Variants in SCML4 observed in about 807,000 individuals in gnomAD.
The protein encoded by SCML4 is sex comb on midleg-like protein 4.
SCML4 carries 34 observed loss-of-function variants against 41.1 expected under a neutral mutation model. The ratio of observed to expected loss-of-function variants is 0.83; its 90% confidence interval spans 0.63 to 1.10. SCML4 has a LOEUF of 1.10. Among genes scored for constraint, SCML4 ranks in the 50% least tolerant of loss-of-function variants. The probability of loss-of-function intolerance (pLI) is 0.00; values close to 1 mark genes in which losing one functional copy is unlikely to be tolerated. For synonymous variants in SCML4, 214 were observed against 220.9 expected, an observed-to-expected ratio of 0.97 and a Z score of 0.28; for missense variants, 522 against 534.1, an observed-to-expected ratio of 0.98 and a Z score of 0.22.
intron 1 of SCML4, among the ~76,000 whole-genome samples, chr6:107,774,800 T>C (rs1009984161): frequency 4.6e-5 from 7 of 151,806 alleles, no homozygotes; most frequent in Admixed American, 3.3e-4. Flanking sequence ...GGCGGGCAGA[T>C]CACCTGAGGT....
At position 107,745,105 on chromosome 6, in the gene SCML4, G is replaced by C; in HGVS notation, c.526C>G (p.Leu176Val). 6.2e-7 allele frequency: 1 copy of C among 1,604,512 alleles called. No homozygotes were observed. ...SFDGKQHLRS[L>V]PVVNSIGYVL... ...TAGCCGATGCTGTTCACCACAGGCA[G>C]GCTCCGCAGGTGCTGTTTGCCATCA... The change falls in exon 5 of 8, where the codon CTG (leucine) becomes GTG (valine). Residue 176 changes from leucine to valine, a missense_variant. Coordinates refer to ENST00000369020, the MANE Select transcript of SCML4 (RefSeq NM_198081.5).
At chr6:107,708,086 C>T (rs1773856201) in intron 6 of SCML4, 75 bp from the exon 7 acceptor site, 4 of 1,492,884 alleles carry the variant, frequency 2.7e-6, no homozygotes, top group Non-Finnish European at 3.6e-6. Flanking sequence ...TGCCTGCCCC[C>T]ACCTAGCCTG....
chr6:107,740,500 T>G (rs1777493290), intron 5 of SCML4, among the ~76,000 whole-genome samples: 1 of 152,208 alleles, frequency 6.6e-6, no homozygotes, highest in Non-Finnish European at 1.5e-5. Flanking sequence ...GAGAGGTGCC[T>G]GCAGGGATCA....
At chr6:107,838,615 C>T in the SCML4 span, among the ~76,000 whole-genome samples, 2 of 152,256 alleles carry the variant, frequency 1.3e-5, no homozygotes, top group South Asian at 2.1e-4. Context: ...TGATATTCCA[C>T]GATATGCAAT....
intron 3 of SCML4, 101 bp from the exon 4 acceptor site, chr6:107,746,990 C>T: frequency 9.9e-7 from 1 of 1,006,956 alleles, no homozygotes; most frequent in Non-Finnish European, 1.4e-6. Flanking sequence ...GCCCCTTTGG[C>T]CCTGGCCTTG....
intron 1 of SCML4, among the ~76,000 whole-genome samples, chr6:107,789,609 A>G (rs2354091): frequency 0.99 from 150,676 of 152,354 alleles, 74,531 homozygotes; most frequent in Middle Eastern, 1. Flanking sequence ...GTCCAGACAA[A>G]GACAGTGGCC....
chr6:107,709,745 T>C (rs1774054077), intron 6 of SCML4, among the ~76,000 whole-genome samples: 1 of 152,194 alleles, frequency 6.6e-6, no homozygotes, highest in Admixed American at 6.5e-5. Flanking sequence ...AGTTTCACTC[T>C]TGTTGCGCAG....
At chr6:107,706,231 C>T (rs757523911) in intron 7 of SCML4, among the ~76,000 whole-genome samples, 1 of 152,150 alleles carries the variant, frequency 6.6e-6, no homozygotes, top group Non-Finnish European at 1.5e-5. Context: ...ACTTGTGGGC[C>T]ACTCCCAGGA....
intron 1 of SCML4, among the ~76,000 whole-genome samples, chr6:107,801,968 T>C (rs2114634600): frequency 6.6e-6 from 1 of 152,096 alleles, no homozygotes; most frequent in East Asian, 1.9e-4. Context: ...AGACAGGGTT[T>C]CACCATGTTA....
intron 1 of SCML4, among the ~76,000 whole-genome samples, chr6:107,780,352 A>C (rs1781385011): frequency 6.6e-6 from 1 of 152,216 alleles, no homozygotes; most frequent in East Asian, 1.9e-4. Context: ...GCTAAAGCCA[A>C]GACTCACATG....
chr6:107,713,480 A>G (rs1245860174), intron 6 of SCML4, among the ~76,000 whole-genome samples: 1 of 152,350 alleles, frequency 6.6e-6, no homozygotes, highest in Non-Finnish European at 1.5e-5. Context: ...GTGTGTCCAC[A>G]TGCAAAACAC....
Position 107,813,370 on chromosome 6 carries a change from T to TTATA in SCML4, c.-60+10752_-60+10755dup, listed in dbSNP as rs543060112. 8.7e-3 allele frequency among the ~76,000 whole-genome samples: 366 copies of TTATA among 42,256 alleles called. 4 individuals carry two copies. The highest frequency in any genetic ancestry group is 0.015 in the African/African-American group (106 of 7,256). 27.7% of individuals were successfully genotyped at this position (42,256 alleles called of 152,430 possible). A position where few individuals can be genotyped will look rare whatever the true frequency, so the allele number is the denominator to read the frequency against. ...AGAGTGAGACGCCATCTCAAAAAAA[T>TTATA]TATATATATATATATATATATATAT... On this transcript the variant is annotated intron_variant, in intron 1 of 7. Transcript: ENST00000369020.
At chr6:107,729,595 C>T (rs1351408317) in intron 5 of SCML4, among the ~76,000 whole-genome samples, 1 of 152,094 alleles carries the variant, frequency 6.6e-6, no homozygotes, top group Non-Finnish European at 1.5e-5. Flanking sequence ...TTTTTATTGT[C>T]ATGTATTTCA....
chr6:107,801,814 T>C (rs1783152895), intron 1 of SCML4, among the ~76,000 whole-genome samples: 2 of 152,064 alleles, frequency 1.3e-5, no homozygotes, highest in African/African-American at 4.8e-5. Flanking sequence ...AGCCTTGCTC[T>C]GTCACCCACG....
At chr6:107,780,859 G>A (rs1583569899) in intron 1 of SCML4, among the ~76,000 whole-genome samples, 1 of 152,032 alleles carries the variant, frequency 6.6e-6, no homozygotes, top group Non-Finnish European at 1.5e-5. Flanking sequence ...TATCATCGGT[G>A]CTAAGAGGAC....
chr6:107,765,620 T>C (rs925911776), intron 2 of SCML4, among the ~76,000 whole-genome samples: 1 of 146,354 alleles, frequency 6.8e-6, no homozygotes, highest in Non-Finnish European at 1.5e-5. Context: ...AGTCGTTTTT[T>C]ACTTAGTGAA....
chr6:107,736,256 G>T (rs777789194), intron 5 of SCML4, among the ~76,000 whole-genome samples: 1 of 152,210 alleles, frequency 6.6e-6, no homozygotes. Context: ...GAGGGCTGGG[G>T]TTTGTTCTGT....
intron 3 of SCML4, among the ~76,000 whole-genome samples, chr6:107,748,991 G>A (rs1377615108): frequency 6.6e-6 from 1 of 152,196 alleles, no homozygotes; most frequent in Non-Finnish European, 1.5e-5. Context: ...CCACAGGGTG[G>A]AGCCTGCAGG....
At chr6:107,711,387 C>G (rs978409929) in intron 6 of SCML4, among the ~76,000 whole-genome samples, 2 of 152,190 alleles carry the variant, frequency 1.3e-5, no homozygotes, top group African/African-American at 4.8e-5. Flanking sequence ...GTTCCTATCG[C>G]CTAGTGATTT....
Sources: allele counts gnomAD v4.1 joint callset (sites outside exome capture counted in the v4.1 genomes callset), GRCh38; gene constraint gnomAD v4.1.1; transcripts MANE v1.5; gene names NCBI Gene and HGNC (gene_info 2026-07-23, HGNC 2026-07-21).